The following TRHDE variants were observed in gnomAD, a reference collection of about 807,000 sequenced individuals.
TRHDE encodes the protein thyrotropin releasing hormone degrading enzyme, also known as thyrotropin-releasing hormone-degrading ectoenzyme.
A neutral mutation model predicts 125.7 loss-of-function variants in TRHDE; 72 were observed. The observed-to-expected ratio is 0.57, with a 90% CI of 0.47 to 0.70. The LOEUF (loss-of-function observed/expected upper bound fraction) is 0.70, where lower values mean the gene tolerates loss of function less well. TRHDE is among the 30% of genes least tolerant of loss of function. The pLI, the probability that TRHDE is intolerant of heterozygous loss-of-function variation, is 0.00. For missense variants in TRHDE, 1,110 were observed against 1,327.1 expected (o/e 0.84, Z 2.54); for synonymous variants, 509 against 509.1 (o/e 1.00, Z 0.00).
At chr12:72,371,602 T>C (rs1487580091) in intron 2 of TRHDE, among the ~76,000 whole-genome samples, 4 of 151,624 alleles carry the variant, frequency 2.6e-5, no homozygotes, top group Admixed American at 2.6e-4. Context: ...CCATGTGTTC[T>C]CATTGTTCAG....
intron 2 of TRHDE, among the ~76,000 whole-genome samples, chr12:72,156,797 G>T (rs752969456): frequency 7.9e-5 from 12 of 152,186 alleles, no homozygotes; most frequent in Admixed American, 2.0e-4. Flanking sequence ...TGAAGCAATT[G>T]TCTCATACCA....
At chr12:72,166,834 C>T (rs1592466784) in intron 2 of TRHDE, among the ~76,000 whole-genome samples, 1 of 151,852 alleles carries the variant, frequency 6.6e-6, no homozygotes, top group East Asian at 1.9e-4. Context: ...GAAATCCTCC[C>T]AATGGGCAGA....
At chr12:72,472,800 G>T (rs546919816) in intron 4 of TRHDE, among the ~76,000 whole-genome samples, 2 of 152,098 alleles carry the variant, frequency 1.3e-5, no homozygotes, top group African/African-American at 4.8e-5. Flanking sequence ...TCTCTCCTGA[G>T]CCCTTTCTTC....
At chr12:72,091,047 A>AT (rs1411715299) in intron 1 of TRHDE, among the ~76,000 whole-genome samples, 1 of 151,716 alleles carries the variant, frequency 6.6e-6, no homozygotes, top group Non-Finnish European at 1.5e-5. Context: ...TTTTTATTTT[A>AT]TTTTTTTGCA....
In TRHDE at chr12:72,187,477, CGTG is replaced by C. The variant is rs1168433112; in HGVS notation, n.279+81754_279+81756del. 3.8e-3 allele frequency among the ~76,000 whole-genome samples: 399 copies of C among 104,574 alleles called. 1 individual carries two copies. Among genetic ancestry groups the C allele is most frequent in the Non-Finnish European group, 5.4e-3 (276 of 51,188 alleles). The allele number at this position is 104,574 out of a possible 152,430, so 68.6% of individuals were successfully genotyped here. On this transcript the variant is annotated intron_variant and non_coding_transcript_variant, in intron 2 of 4. Transcript: ENST00000548156. ...TGGTGGTGGTGGTGGTGGTTGTGGT[CGTG>C]GTGGTGGTGGTGGTGGTGGTGGTGG...
At chr12:72,112,671 C>T (rs561982833) in intron 2 of TRHDE, among the ~76,000 whole-genome samples, 38 of 152,236 alleles carry the variant, frequency 2.5e-4, no homozygotes, top group African/African-American at 7.7e-4. Context: ...TGGTTAACAT[C>T]GTAAGAATTC....
chr12:72,150,232 G>A (rs866474912), intron 2 of TRHDE, among the ~76,000 whole-genome samples: 7 of 152,106 alleles, frequency 4.6e-5, no homozygotes, highest in African/African-American at 9.7e-5. Context: ...ACAGGGAGAA[G>A]TACATTAACT....
At chr12:72,215,828 A>G (rs1472707620) in intron 2 of TRHDE, among the ~76,000 whole-genome samples, 1 of 152,158 alleles carries the variant, frequency 6.6e-6, no homozygotes. Flanking sequence ...TTGGAGTCTG[A>G]CAATTTGGAA....
intron 18 of TRHDE, among the ~76,000 whole-genome samples, chr12:72,662,441 C>G (rs1467164177): frequency 6.6e-6 from 1 of 152,044 alleles, no homozygotes; most frequent in Non-Finnish European, 1.5e-5. Flanking sequence ...AAGACCATAT[C>G]CCTCCTTTAT....
chr12:72,425,774 A>G (rs567856694), intron 3 of TRHDE, among the ~76,000 whole-genome samples: 4 of 152,076 alleles, frequency 2.6e-5, no homozygotes, highest in Admixed American at 6.6e-5. Flanking sequence ...TAACTAGTTA[A>G]TTAATTAATT....
chr12:72,662,902 C>T (rs1334810601), intron 18 of TRHDE, 150 bp from the exon 19 acceptor site: 1 of 630,270 alleles, frequency 1.6e-6, no homozygotes, highest in Admixed American at 3.7e-5. Context: ...GCTCACTCCA[C>T]AGTACTAAAT....
At chr12:72,320,165 T>C (rs897525490) in intron 2 of TRHDE, among the ~76,000 whole-genome samples, 7 of 152,068 alleles carry the variant, frequency 4.6e-5, no homozygotes, top group African/African-American at 1.7e-4. Context: ...GGAGTGTATA[T>C]GCATACACAC....
chr12:72,523,984 A>C (rs1175117569), intron 6 of TRHDE, among the ~76,000 whole-genome samples: 2 of 152,138 alleles, frequency 1.3e-5, no homozygotes, highest in Non-Finnish European at 2.9e-5. Flanking sequence ...ATGATTATTT[A>C]CCTCACTGAT....
chr12:72,540,016 T>TA (rs1348273081), intron 6 of TRHDE, among the ~76,000 whole-genome samples: 2 of 151,726 alleles, frequency 1.3e-5, no homozygotes, highest in Non-Finnish European at 2.9e-5. Flanking sequence ...TGAGTTTTCT[T>TA]AAAAAAAGTT....
chr12:72,167,231 G>C (rs1473002113), intron 2 of TRHDE, among the ~76,000 whole-genome samples: 1 of 152,136 alleles, frequency 6.6e-6, no homozygotes, highest in Non-Finnish European at 1.5e-5. Flanking sequence ...GGTAGCACAG[G>C]TGGATTTCTC....
chr12:72,492,551 C>T (rs969914107), intron 5 of TRHDE, among the ~76,000 whole-genome samples: 5 of 151,740 alleles, frequency 3.3e-5, no homozygotes, highest in Admixed American at 6.6e-5. Context: ...TGGATATTTT[C>T]CCCCAATATA....
chr12:72,349,357 G>A (rs774150241), intron 2 of TRHDE, among the ~76,000 whole-genome samples: 3 of 151,994 alleles, frequency 2.0e-5, no homozygotes, highest in Non-Finnish European at 4.4e-5. Flanking sequence ...AAAATGTTAA[G>A]CATTACATGG....
chr12:72,572,516 A>G (rs1407790835), intron 10 of TRHDE, among the ~76,000 whole-genome samples: 1 of 152,136 alleles, frequency 6.6e-6, no homozygotes, highest in Non-Finnish European at 1.5e-5. Context: ...ATTTAATTTG[A>G]AGAACATTTT....
intron 2 of TRHDE, among the ~76,000 whole-genome samples, chr12:72,342,312 G>T (rs1310110222): frequency 6.6e-6 from 1 of 152,080 alleles, no homozygotes. Context: ...CTAAGAATTT[G>T]TTTTAGTTCT....
Sources: gnomAD v4.1 joint callset for allele counts (sites outside exome capture counted in the v4.1 genomes callset) on GRCh38, gnomAD v4.1.1 for gene constraint, MANE v1.5 for transcripts, NCBI Gene and HGNC (gene_info 2026-07-23, HGNC 2026-07-21) for gene names.